The following COL4A3 variants were observed in gnomAD, a reference collection of about 807,000 sequenced individuals.
COL4A3 encodes collagen type IV alpha 3 chain, also known as collagen alpha-3(IV) chain.
COL4A3 carries 135 observed loss-of-function variants against 217.4 expected under a neutral mutation model. The observed-to-expected ratio is 0.62, with a 90% CI of 0.54 to 0.72. The LOEUF (loss-of-function observed/expected upper bound fraction) is 0.72. Ranked by LOEUF, COL4A3 falls within the 30% of genes least tolerant of loss-of-function variation. COL4A3 has a pLI of 0.00. For missense variants in COL4A3, 1,868 were observed against 2,119.9 expected, an observed-to-expected ratio of 0.88 and a Z score of 2.33; for synonymous variants, 690 against 736.3, an observed-to-expected ratio of 0.94 and a Z score of 1.02.
intron 1 of COL4A3, chr2:227,221,450 A>G (rs2067782619): frequency 6.9e-6 from 1 of 144,394 alleles, no homozygotes; most frequent in Non-Finnish European, 1.5e-5. Context: ...TTTTTTTCGC[A>G]TTCATCCTCA....
chr2:227,254,249 G>T, intron 14 of COL4A3, 75 bp downstream of exon 14: 2 of 1,328,602 alleles, frequency 1.5e-6, no homozygotes, highest in Non-Finnish European at 2.1e-6. Context: ...TGTGTGTTTT[G>T]TCTTAAGTTG....
chr2:227,301,774 T>C (rs1467839106), intron 43 of COL4A3: 1 of 152,224 alleles, frequency 6.6e-6, no homozygotes, highest in African/African-American at 2.4e-5. Context: ...CCTGGCAACA[T>C]GCCCTTTTTC....
At chr2:227,291,445 C>T (rs1559907361) in intron 37 of COL4A3, among the ~76,000 whole-genome samples, 1 of 150,544 alleles carries the variant, frequency 6.6e-6, no homozygotes, top group Non-Finnish European at 1.5e-5. Context: ...CGCCTGTAGT[C>T]CCAGCTACTT....
intron 27 of COL4A3, 24 bp from the exon 28 acceptor site, chr2:227,277,425 T>C (rs778549588): frequency 7.2e-7 from 1 of 1,391,258 alleles, no homozygotes; most frequent in East Asian, 2.3e-5. Flanking sequence ...GATGTGGAGA[T>C]GCATATGTGT....
chr2:227,254,263 T>A, intron 14 of COL4A3, 89 bp downstream of exon 14: 1 of 1,243,860 alleles, frequency 8.0e-7, no homozygotes, highest in Non-Finnish European at 1.2e-6. Context: ...TAAGTTGTTT[T>A]TTTTTTTAAA....
At chr2:227,293,868 A>T (rs1448185589) in intron 38 of COL4A3, 45 of 449,776 alleles carry the variant, frequency 1.0e-4, no homozygotes, top group South Asian at 7.2e-4. Context: ...TTCTTTTCTT[A>T]TAAAGACACC....
chr2:227,268,496 A>C (rs1030001831), intron 23 of COL4A3: 8 of 152,268 alleles, frequency 5.3e-5, no homozygotes, highest in Admixed American at 5.2e-4. Flanking sequence ...TTGCATTGGC[A>C]TAGGGTCTTC....
Position 227,294,560 on chromosome 2 carries a change from A to C in COL4A3, c.3408A>C (p.Arg1136Ser). The C allele has an allele frequency of 6.2e-7, 1 of 1,610,148 alleles. No homozygotes were observed. Residue 1136 changes from arginine to serine, a missense_variant, in exon 39 of 52, where the codon AGA becomes AGC. By Grantham distance (110) the Arg-to-Ser change is moderately radical (BLOSUM62 -1). Coordinates refer to ENST00000396578, the MANE Select transcript of COL4A3 (RefSeq NM_000091.5). ...IKGLLGPPGIRGPPGLPGFPG... is the reference protein window; with the variant it reads ...IKGLLGPPGISGPPGLPGFPG... ...GCCTCCTGGGCCCTCCAGGAATCAG[A>C]GGCCCTCCAGGTTTCATTTTTGTAC... is the stretch of plus-strand genomic sequence containing the variant.
chr2:227,294,386 C>T (rs1209813014), intron 38 of COL4A3, 104 bp from the exon 39 acceptor site: 2 of 843,172 alleles, frequency 2.4e-6, no homozygotes, highest in Non-Finnish European at 2.1e-6. Context: ...TCCTTAAGGC[C>T]AGCGTGAGCA....
intron 1 of COL4A3, among the ~76,000 whole-genome samples, chr2:227,169,001 T>C (rs998260107): frequency 1.5e-3 from 231 of 151,634 alleles, no homozygotes; most frequent in Middle Eastern, 3.4e-3. Context: ...TAACTCGTCA[T>C]TTAGCATTAG....
intron 1 of COL4A3, among the ~76,000 whole-genome samples, chr2:227,217,883 T>C (rs944641579): frequency 6.6e-6 from 1 of 152,158 alleles, no homozygotes; most frequent in Middle Eastern, 3.4e-3. Context: ...TGGACATTAC[T>C]GGTTTTGCTT....
At position 227,282,627 on chromosome 2, in the gene COL4A3, G is replaced by T; in HGVS notation, c.2656+95G>T. 8.8e-7 allele frequency: 1 copy of T among 1,141,204 alleles called. No individual in the cohort carries two copies. The highest frequency in any genetic ancestry group is 2.4e-5 in the East Asian group (1 of 41,192). The allele number at this position is 1,141,204 out of a possible 1,614,324, so 70.7% of individuals were successfully genotyped here. On this transcript the variant is annotated intron_variant, in intron 32 of 51. Coordinates refer to ENST00000396578, the MANE Select transcript of COL4A3 (RefSeq NM_000091.5). This position sits in a 1 kb window ranked among gnomAD's most constrained non-coding sequence, Gnocchi z 4.4. ...CATAGGCATACGCTTTTTACTCTAT[G>T]CTTTTACTTAATATAAGGTTTTCCT...
At chr2:227,188,380 A>G (rs146807252) in intron 1 of COL4A3, among the ~76,000 whole-genome samples, 1 of 151,998 alleles carries the variant, frequency 6.6e-6, no homozygotes, top group African/African-American at 2.4e-5. Flanking sequence ...AAGGACCCCA[A>G]ATAGTCTTTT....
At chr2:227,286,280 T>C (rs548486031) in intron 34 of COL4A3, among the ~76,000 whole-genome samples, 1 of 147,112 alleles carries the variant, frequency 6.8e-6, no homozygotes, top group South Asian at 2.1e-4. Flanking sequence ...TCACCTGAGG[T>C]CAGGAGTTCG....
In COL4A3 at chr2:227,312,877, C is replaced by G. The variant is rs2106301054; in HGVS notation, c.*1007C>G. On this transcript the variant is annotated 3_prime_UTR_variant, in exon 52 of 52. Transcript: ENST00000396578. ...TCATTGCTCTGAATATGTCATCACT[C>G]TAGGTTTTACAGATTTATTCCTTTG... is the stretch of plus-strand genomic sequence containing the variant. 1 of 151,534 alleles carries G rather than the reference C, an allele frequency of 6.6e-6. No individual in the cohort carries two copies. The highest frequency in any genetic ancestry group is 1.5e-5 in the Non-Finnish European group (1 of 67,928). 9.4% of individuals were successfully genotyped at this position (151,534 alleles called of 1,614,324 possible). A position where few individuals can be genotyped will look rare whatever the true frequency, so the allele number is the denominator to read the frequency against.
intron 47 of COL4A3, 44 bp from the exon 48 acceptor site, chr2:227,307,666 A>C: frequency 1.3e-6 from 2 of 1,534,506 alleles, no homozygotes; most frequent in Non-Finnish European, 9.0e-7. Context: ...AACGAGTTTA[A>C]GATTTTTGTG....
chr2:227,270,973 C>T, intron 25 of COL4A3, 21 bp downstream of exon 25: 1 of 1,612,114 alleles, frequency 6.2e-7, no homozygotes, highest in Non-Finnish European at 8.5e-7. Flanking sequence ...AGCAACTTTA[C>T]CCTCCCTATA....
At chr2:227,263,633 A>T in intron 20 of COL4A3, 147 bp from the exon 21 acceptor site, 2 of 796,398 alleles carry the variant, frequency 2.5e-6, no homozygotes, top group Admixed American at 5.5e-5. Flanking sequence ...AAAAGCAAGG[A>T]TATTCACTTT....
intron 1 of COL4A3, among the ~76,000 whole-genome samples, chr2:227,211,678 GAC>G (rs2125790266): frequency 8.4e-6 from 1 of 118,702 alleles, no homozygotes; most frequent in East Asian, 2.1e-4. Context: ...TATTTATTGA[GAC>G]AGAGTCTTGC....
Sources: allele counts gnomAD v4.1 joint callset (sites outside exome capture counted in the v4.1 genomes callset), GRCh38; gene constraint gnomAD v4.1.1; non-coding constraint Gnocchi (gnomAD v3.1); transcripts MANE v1.5; gene names NCBI Gene and HGNC (gene_info 2026-07-23, HGNC 2026-07-21).